FAM186B: variants seen among roughly 807,000 people sequenced by gnomAD.
The protein encoded by FAM186B is protein FAM186B.
FAM186B carries 68 observed loss-of-function variants against 83.4 expected under a neutral mutation model. The ratio of observed to expected loss-of-function variants is 0.81; its 90% CI spans 0.67 to 1.00. The LOEUF is 1.00. Ranked by LOEUF, FAM186B falls within the 50% of genes least tolerant of loss-of-function variation. The probability of loss-of-function intolerance (pLI) is 0.00; values close to 1 mark genes in which losing one functional copy is unlikely to be tolerated. For synonymous variants in FAM186B, 389 were observed against 422.0 expected (o/e 0.92, Z 0.96); for missense variants, 983 against 1,099.2 (o/e 0.89, Z 1.49).
At chr12:49,601,281 C>G in intron 3 of FAM186B, 147 bp from the exon 4 acceptor site, 1 of 1,145,240 alleles carries the variant, frequency 8.7e-7, no homozygotes. Flanking sequence ...GGGCCAGGGA[C>G]AGTGCTGTCA....
rs1404258763 is a variant in FAM186B at position 49,601,007 on chromosome 12, C to T, written c.633G>A (p.Glu211=). 3.7e-6 allele frequency: 6 copies of T among 1,614,082 alleles called. No individual in the cohort carries two copies. In the Admixed American group the frequency reaches 8.3e-5, roughly 22 times the overall value. ...DQHTMNTKAS[E]VTSMLQELLD... ...GGAGCTCCTGCAGCATGGACGTCAC[C>T]TCCGAGGCCTTCGTGTTCATGGTAT... The change falls in exon 4 of 7, where the codon GAG becomes GAA. Residue 211 remains glutamate (E), a synonymous_variant. Coordinates refer to ENST00000257894, the MANE Select transcript of FAM186B (RefSeq NM_032130.3).
At chr12:49,614,996 C>T in the FAM186B span, among the ~76,000 whole-genome samples, 1 of 151,978 alleles carries the variant, frequency 6.6e-6, no homozygotes, top group African/African-American at 2.4e-5. Flanking sequence ...GGCGTGGGGG[C>T]GGGTACCTGT....
chr12:49,592,656 G>A (rs1592546070), intron 5 of FAM186B, among the ~76,000 whole-genome samples: 1 of 151,478 alleles, frequency 6.6e-6, no homozygotes, highest in Non-Finnish European at 1.5e-5. Context: ...CATGGTGGCG[G>A]GTGCCTGTAA....
downstream of FAM186B, chr12:49,584,481 AGTG>A: frequency 1.4e-6 from 1 of 702,198 alleles, no homozygotes; most frequent in Non-Finnish European, 2.6e-6. Flanking sequence ...TGAGGGATGC[AGTG>A]GAGACTGGGG....
Position 49,601,063 on chromosome 12 carries a change from G to T in FAM186B, c.577C>A (p.Leu193Ile), listed in dbSNP as rs1322361667. The part of the protein sequence containing the change: ...PQTSPSHPQP[L>I]SPEQMLQDQH... ...TCCTGGAGCATCTGTTCTGGGCTTA[G>T]TGGCTGAGGATGGGATGGAGATGTC... Residue 193 changes from leucine (L) to isoleucine (I), a missense_variant, in exon 4 of 7, where the codon CTA (leucine) becomes ATA (isoleucine). Physicochemically the swap from Leu to Ile is conservative, Grantham distance 5. Transcript: ENST00000257894. 1.9e-6 allele frequency: 3 copies of T among 1,611,094 alleles called. No individual in the cohort carries two copies. In the African/African-American group the frequency reaches 4.0e-5, roughly 22 times the overall value.
the FAM186B span, among the ~76,000 whole-genome samples, chr12:49,612,545 T>C: frequency 3.3e-5 from 5 of 151,986 alleles, no homozygotes; most frequent in Admixed American, 3.3e-4. Context: ...GTTTTTTTTT[T>C]TTAGTTCATT....
chr12:49,603,463 C>G, intron 2 of FAM186B, 96 bp from the exon 3 acceptor site: 1 of 1,262,404 alleles, frequency 7.9e-7, no homozygotes, highest in South Asian at 1.4e-5. Context: ...GCTGTGAAGT[C>G]ACATTGATTT....
chr12:49,596,323 CAAAAAAAA>C (rs933362822), intron 5 of FAM186B, among the ~76,000 whole-genome samples: 3 of 64,310 alleles, frequency 4.7e-5, no homozygotes, highest in Admixed American at 1.9e-4. Flanking sequence ...ACCCCCGTCT[CAAAAAAAA>C]AAAAAAAAAA....
At chr12:49,619,705 T>C in the FAM186B span, 7 of 382,854 alleles carry the variant, frequency 1.8e-5, no homozygotes, top group African/African-American at 1.6e-4. Context: ...AGATGGAGTC[T>C]TGCTCTGTTG....
At chr12:49,603,078 G>T in intron 3 of FAM186B, 107 bp downstream of exon 3, 1 of 1,244,442 alleles carries the variant, frequency 8.0e-7, no homozygotes. Flanking sequence ...TCAAACTTCT[G>T]TGATGGAGGA....
At position 49,588,600 on chromosome 12, in the gene FAM186B, G is replaced by A; in HGVS notation, c.2388C>T (p.His796=). Residue 796 remains histidine (H), a synonymous_variant, in exon 6 of 7, where the codon CAC becomes CAT. Coordinates refer to ENST00000257894, the MANE Select transcript of FAM186B (RefSeq NM_032130.3). ...GCGAGGTGACCTCAGGGATGTTCAG[G>A]TGAACGTTCCACTCCAGCTGGAGCT... The part of the protein sequence containing the change: ...FPKLQLEWNV[H]LNIPEVTSPK... 1 of 1,594,784 alleles carries A rather than the reference G, an allele frequency of 6.3e-7. No homozygotes were observed. The highest frequency in any genetic ancestry group is 8.6e-7 in the Non-Finnish European group (1 of 1,167,490).
the FAM186B span, among the ~76,000 whole-genome samples, chr12:49,618,039 ATCAC>A: frequency 1.3e-5 from 2 of 152,170 alleles, no homozygotes; most frequent in African/African-American, 4.8e-5. Flanking sequence ...TCCCAGCCAG[ATCAC>A]TGTGCAAAGA....
chr12:49,618,179 T>C, the FAM186B span, among the ~76,000 whole-genome samples: 1 of 152,204 alleles, frequency 6.6e-6, no homozygotes, highest in African/African-American at 2.4e-5. Flanking sequence ...ACCCTGTCTC[T>C]ACTAAAAATA....
At chr12:49,597,781 C>T (rs1461694382) in intron 5 of FAM186B, among the ~76,000 whole-genome samples, 3 of 152,080 alleles carry the variant, frequency 2.0e-5, no homozygotes, top group East Asian at 1.9e-4. Flanking sequence ...AAATTGTGGC[C>T]GGGTGTGGTG....
chr12:49,598,825 G>A lies in FAM186B; in HGVS notation c.2294C>T (p.Thr765Met), dbSNP rs372798733. The change falls in exon 5 of 7, where the codon ACG becomes ATG. Residue 765 changes from threonine to methionine, a missense_variant. Coordinates refer to ENST00000257894, the MANE Select transcript of FAM186B (RefSeq NM_032130.3). Reference sequence around the variant, plus strand: ...CTCCTCCAGCCCCTTCTGCTTGTCCGTCCAGGCCTGCAGCCTGAGACTCTG... The same window carrying A: ...CTCCTCCAGCCCCTTCTGCTTGTCCATCCAGGCCTGCAGCCTGAGACTCTG... The part of the protein sequence containing the change: ...RLQSLRLQAW[T>M]DKQKGLEEKH... 34 of 1,612,920 alleles carry A rather than the reference G, an allele frequency of 2.1e-5. No individual in the cohort carries two copies. The highest frequency in any genetic ancestry group is 1.6e-4 in the East Asian group (7 of 44,774).
chr12:49,619,516 C>T, the FAM186B span: 29 of 701,010 alleles, frequency 4.1e-5, no homozygotes, highest in South Asian at 3.8e-4. Context: ...ATCTGATCCA[C>T]ATGTGTGTGG....
In FAM186B at chr12:49,599,331, C is replaced by G. The variant is rs997814490; in HGVS notation, c.2171+138G>C. Reference sequence around the variant, plus strand: ...AGGCCAGACTTGCTTTCCAGGCCCCCACTCAGGAGACCCTGTCCAGGCCTG... The same window carrying G: ...AGGCCAGACTTGCTTTCCAGGCCCCGACTCAGGAGACCCTGTCCAGGCCTG... On this transcript the variant is annotated intron_variant, in intron 4 of 6. Coordinates refer to ENST00000257894, the MANE Select transcript of FAM186B (RefSeq NM_032130.3). 5 of 1,358,796 alleles carry G rather than the reference C, an allele frequency of 3.7e-6. No individual in the cohort carries two copies. In the East Asian group the frequency reaches 1.1e-4, roughly 29 times the overall value. The allele number at this position is 1,358,796 out of a possible 1,614,324, so 84.2% of individuals were successfully genotyped here.
the FAM186B span, among the ~76,000 whole-genome samples, chr12:49,615,986 T>C: frequency 3.3e-5 from 5 of 151,828 alleles, no homozygotes; most frequent in Admixed American, 3.3e-4. Flanking sequence ...TCTTATATGG[T>C]ATATTGCCGG....
chr12:49,583,482 G>A (rs1939378053), downstream of FAM186B: 2 of 187,028 alleles, frequency 1.1e-5, no homozygotes, highest in Non-Finnish European at 2.3e-5. Flanking sequence ...CCGAGAGGCT[G>A]GAAACAGCCC....
Sources: gnomAD v4.1 joint callset for allele counts (sites outside exome capture counted in the v4.1 genomes callset) on GRCh38, gnomAD v4.1.1 for gene constraint, MANE v1.5 for transcripts, NCBI Gene and HGNC (gene_info 2026-07-23, HGNC 2026-07-21) for gene names.